The following TMEM178B variants were observed in gnomAD, a reference collection of about 807,000 sequenced individuals.
TMEM178B encodes transmembrane protein 178B.
A neutral mutation model predicts 31.0 loss-of-function variants in TMEM178B; 5 were observed. That is an observed-to-expected ratio of 0.16 (90% CI 0.08 to 0.34). The LOEUF (loss-of-function observed/expected upper bound fraction) is 0.34, where lower values mean the gene tolerates loss of function less well. Ranked by LOEUF, TMEM178B falls within the 10% of genes least tolerant of loss-of-function variation. The pLI is 1.00. For synonymous variants in TMEM178B, 164 were observed against 164.0 expected (o/e 1.00, Z 0.00); for missense variants, 275 against 400.3 (o/e 0.69, Z 2.67).
At chr7:141,127,282 T>C (rs1458053578) in intron 1 of TMEM178B, among the ~76,000 whole-genome samples, 1 of 152,218 alleles carries the variant, frequency 6.6e-6, no homozygotes, top group African/African-American at 2.4e-5. Context: ...CTGGGAACTG[T>C]TTTGTACACA....
At position 141,134,564 on chromosome 7, in the gene TMEM178B, C is replaced by T. The variant is rs192368471; in HGVS notation, c.382+59872C>T. ...GGAAAGAGAAAGGAGTCAAATGTTA[C>T]CAATACAAAAAACCACCAAACTGCA... On this transcript the variant is annotated intron_variant, in intron 1 of 3. Coordinates refer to ENST00000565468, the MANE Select transcript of TMEM178B (RefSeq NM_001195278.2). Among the ~76,000 whole-genome samples, 33 of 152,092 alleles carry T rather than the reference C, an allele frequency of 2.2e-4. No homozygotes were observed. The South Asian group carries it at 2.5e-3, about 12-fold the overall frequency.
chr7:141,470,737 C>CGAG lies in TMEM178B; in HGVS notation c.839_841dup (p.Arg280dup). On this transcript the variant is annotated inframe_insertion, in exon 4 of 4. Transcript: ENST00000565468. ...TTAGCCCCTTCTGTTCAACCTGTCCCGAGGACCAACTACCCTAAATCCAGA... is the reference window on the plus strand; with the variant it reads ...TTAGCCCCTTCTGTTCAACCTGTCCCGAGGAGGACCAACTACCCTAAATCCAGA... The CGAG allele has an allele frequency of 6.5e-7, 1 of 1,532,568 alleles. No homozygotes were observed. The allele number at this position is 1,532,568 out of a possible 1,614,324, so 94.9% of individuals were successfully genotyped here. A position where few individuals can be genotyped will look rare whatever the true frequency, so the allele number is the denominator to read the frequency against.
chr7:141,307,875 G>A (rs1004532980), intron 2 of TMEM178B, among the ~76,000 whole-genome samples: 4 of 152,200 alleles, frequency 2.6e-5, no homozygotes, highest in Admixed American at 2.6e-4. Flanking sequence ...GGGTCTTTAA[G>A]TTTGGTCACA....
At chr7:141,262,699 C>A (rs1798033461) in intron 2 of TMEM178B, among the ~76,000 whole-genome samples, 1 of 152,144 alleles carries the variant, frequency 6.6e-6, no homozygotes, top group African/African-American at 2.4e-5. Flanking sequence ...CTAAGCAACT[C>A]AGCCTGAACA....
intron 3 of TMEM178B, among the ~76,000 whole-genome samples, chr7:141,464,584 T>C (rs369618118): frequency 3.2e-4 from 48 of 152,296 alleles, no homozygotes; most frequent in South Asian, 2.7e-3. Context: ...TTATTTTAGA[T>C]TGATTAAAGA....
chr7:141,149,098 G>A (rs1298654529), intron 1 of TMEM178B, among the ~76,000 whole-genome samples: 1 of 152,198 alleles, frequency 6.6e-6, no homozygotes, highest in Non-Finnish European at 1.5e-5. Flanking sequence ...TTGTGCTAAG[G>A]TTTTGTTGTA....
chr7:141,217,925 G>A (rs1474250316), intron 2 of TMEM178B, among the ~76,000 whole-genome samples: 1 of 152,100 alleles, frequency 6.6e-6, no homozygotes, highest in Non-Finnish European at 1.5e-5. Flanking sequence ...GTTGCTGAGA[G>A]CCAAGAAACC....
chr7:141,159,981 G>A (rs1796141594), intron 1 of TMEM178B, among the ~76,000 whole-genome samples: 1 of 147,982 alleles, frequency 6.8e-6, no homozygotes, highest in African/African-American at 2.5e-5. Flanking sequence ...GGGAAGCATT[G>A]TTTATTTTAT....
At chr7:141,371,754 A>C (rs1800121192) in intron 2 of TMEM178B, among the ~76,000 whole-genome samples, 1 of 152,162 alleles carries the variant, frequency 6.6e-6, no homozygotes, top group Admixed American at 6.5e-5. Context: ...CAGGATACCA[A>C]GTGGCCACTG....
At chr7:141,346,095 C>A (rs1177190413) in intron 2 of TMEM178B, among the ~76,000 whole-genome samples, 2 of 151,948 alleles carry the variant, frequency 1.3e-5, no homozygotes, top group Non-Finnish European at 2.9e-5. Flanking sequence ...GTGGCGGGTG[C>A]CTGTAGTCCC....
chr7:141,395,646 G>A (rs1354802914), intron 2 of TMEM178B, among the ~76,000 whole-genome samples: 2 of 152,128 alleles, frequency 1.3e-5, no homozygotes, highest in African/African-American at 4.8e-5. Context: ...TCCAGAACCC[G>A]AGGTGATGGC....
At chr7:141,452,761 G>A (rs938482863) in intron 3 of TMEM178B, among the ~76,000 whole-genome samples, 11 of 152,108 alleles carry the variant, frequency 7.2e-5, no homozygotes, top group African/African-American at 2.4e-4. Context: ...CAGAGAGTAG[G>A]CACTCTATAA....
intron 2 of TMEM178B, among the ~76,000 whole-genome samples, chr7:141,256,587 A>C (rs1213817696): frequency 6.6e-6 from 1 of 152,168 alleles, no homozygotes. Context: ...ATGTTTTCCA[A>C]GTGTGATGGA....
At chr7:141,358,137 G>T (rs1231269312) in intron 2 of TMEM178B, among the ~76,000 whole-genome samples, 1 of 152,104 alleles carries the variant, frequency 6.6e-6, no homozygotes, top group African/African-American at 2.4e-5. Flanking sequence ...TATATATTTT[G>T]CTGATGATTA....
chr7:141,336,918 C>CCAT (rs202194389), intron 2 of TMEM178B, among the ~76,000 whole-genome samples: 1 of 132,970 alleles, frequency 7.5e-6, no homozygotes, highest in South Asian at 2.7e-4. Flanking sequence ...ATCACCACCA[C>CCAT]CACCACCACC....
chr7:141,225,156 C>G (rs1797320839), intron 2 of TMEM178B, among the ~76,000 whole-genome samples: 1 of 152,142 alleles, frequency 6.6e-6, no homozygotes, highest in African/African-American at 2.4e-5. Context: ...GGACTAGAAT[C>G]CAGACAGTTG....
intron 2 of TMEM178B, among the ~76,000 whole-genome samples, chr7:141,315,740 C>T (rs1798990796): frequency 6.6e-6 from 1 of 152,140 alleles, no homozygotes; most frequent in Non-Finnish European, 1.5e-5. Flanking sequence ...CCGCTTATTA[C>T]CTGGTACAGA....
chr7:141,260,319 C>A (rs1262747116), intron 2 of TMEM178B, among the ~76,000 whole-genome samples: 1 of 152,222 alleles, frequency 6.6e-6, no homozygotes, highest in Non-Finnish European at 1.5e-5. Context: ...GTGGGAACAT[C>A]TCCTAAGCTA....
At chr7:141,482,105 G>A (rs1802485952), downstream of TMEM178B, among the ~76,000 whole-genome samples, 1 of 152,190 alleles carries the variant, frequency 6.6e-6, no homozygotes, top group Admixed American at 6.5e-5. Flanking sequence ...AATGAATTAT[G>A]CAGCCCACAG....
Sources: allele counts gnomAD v4.1 joint callset (sites outside exome capture counted in the v4.1 genomes callset), GRCh38; gene constraint gnomAD v4.1.1; transcripts MANE v1.5; gene names NCBI Gene and HGNC (gene_info 2026-07-23, HGNC 2026-07-21).